DPH6: variants seen among roughly 807,000 people sequenced by gnomAD.
DPH6 encodes the protein diphthamine biosynthesis 6.
A neutral mutation model predicts 38.2 loss-of-function variants in DPH6; 33 were observed. That is an observed-to-expected ratio of 0.86 (90% CI 0.65 to 1.15). The LOEUF (loss-of-function observed/expected upper bound fraction) is 1.15, where lower values mean the gene tolerates loss of function less well. Ranked by LOEUF, DPH6 falls within the 50% of genes most tolerant of loss-of-function variation. DPH6 has a pLI of 0.00. For synonymous variants in DPH6, 108 were observed against 103.0 expected, an observed-to-expected ratio of 1.05 and a Z score of -0.30; for missense variants, 325 against 320.0, an observed-to-expected ratio of 1.02 and a Z score of -0.12.
intron 3 of DPH6, among the ~76,000 whole-genome samples, chr15:35,317,022 C>CTGAG (rs1208434331): frequency 1.3e-5 from 2 of 152,176 alleles, no homozygotes; most frequent in African/African-American, 4.8e-5. Context: ...GTTTGTAAGG[C>CTGAG]TGAGGCAGGC....
Position 35,318,776 on chromosome 15 carries a change from AT to A in DPH6, n.200+54744del, listed in dbSNP as rs201569994. 4.2e-3 allele frequency among the ~76,000 whole-genome samples: 644 copies of A among 152,264 alleles called. 5 individuals are homozygous for A. Among genetic ancestry groups the A allele is most frequent in the African/African-American group, 0.014 (601 of 41,580 alleles). ...TTCACAGTTAAAAACTGTAAAATAA[AT>A]TTTTTATTTATTTTAAAAAATGTGT... On this transcript the variant is annotated intron_variant and non_coding_transcript_variant, in intron 3 of 3. Coordinates refer to the DPH6 transcript ENST00000560386.
intron 3 of DPH6, among the ~76,000 whole-genome samples, chr15:35,230,242 C>A (rs987501902): frequency 6.6e-6 from 1 of 152,162 alleles, no homozygotes; most frequent in African/African-American, 2.4e-5. Flanking sequence ...CAAGACACAA[C>A]CCTTTCCACT....
At chr15:35,200,563 A>G in the DPH6 span, among the ~76,000 whole-genome samples, 1 of 152,006 alleles carries the variant, frequency 6.6e-6, no homozygotes, top group South Asian at 2.1e-4. Context: ...CATGCCTACT[A>G]TGTGTTAGGC....
At chr15:35,456,374 A>G (rs1192452508) in intron 3 of DPH6, among the ~76,000 whole-genome samples, 1 of 151,228 alleles carries the variant, frequency 6.6e-6, no homozygotes, top group African/African-American at 2.4e-5. Flanking sequence ...TTATAGATGT[A>G]TAGGAGTGTG....
At chr15:35,387,483 A>G (rs1423517041) in intron 6 of DPH6, among the ~76,000 whole-genome samples, 2 of 152,108 alleles carry the variant, frequency 1.3e-5, no homozygotes, top group African/African-American at 2.4e-5. Flanking sequence ...AGCATGGAAT[A>G]TTCTTCCATT....
At chr15:35,526,539 G>T (rs1227364923) in intron 3 of DPH6, among the ~76,000 whole-genome samples, 1 of 152,106 alleles carries the variant, frequency 6.6e-6, no homozygotes, top group Non-Finnish European at 1.5e-5. Context: ...TTCTGCTGGT[G>T]TTGAGAGTTA....
At chr15:35,496,567 A>AAAAAAAAAT in intron 3 of DPH6, among the ~76,000 whole-genome samples, 2 of 31,014 alleles carry the variant, frequency 6.4e-5, no homozygotes. Context: ...AAAAAAAAAA[A>AAAAAAAAAT]ATATATATAT....
At chr15:35,230,446 G>A (rs891671555) in intron 3 of DPH6, among the ~76,000 whole-genome samples, 31 of 152,144 alleles carry the variant, frequency 2.0e-4, no homozygotes, top group African/African-American at 7.5e-4. Flanking sequence ...CCCAGGGCAG[G>A]TCCAAAAATG....
intron 3 of DPH6, among the ~76,000 whole-genome samples, chr15:35,334,651 C>G (rs2052353899): frequency 6.6e-6 from 1 of 151,994 alleles, no homozygotes; most frequent in South Asian, 2.1e-4. Flanking sequence ...TAAGAACATG[C>G]AGTGTTTGGT....
intron 5 of DPH6, among the ~76,000 whole-genome samples, chr15:35,441,724 G>T (rs542236845): frequency 4.8e-4 from 73 of 152,178 alleles, no homozygotes; most frequent in African/African-American, 1.7e-3. Context: ...ATGGGTTGAT[G>T]GGTGCAGCAA....
chr15:35,382,854 GA>G (rs200446494), intron 6 of DPH6, among the ~76,000 whole-genome samples: 4 of 145,730 alleles, frequency 2.7e-5, no homozygotes, highest in African/African-American at 7.5e-5. Flanking sequence ...TTAAAAAAAA[GA>G]AAAAAAAAAC....
At chr15:35,490,136 G>T (rs1267677115) in intron 3 of DPH6, 17 of 985,176 alleles carry the variant, frequency 1.7e-5, no homozygotes, top group Non-Finnish European at 2.0e-5. Flanking sequence ...CAATCATTGG[G>T]TTAATTTGTA....
chr15:35,536,497 A>C (rs546783166), intron 3 of DPH6, among the ~76,000 whole-genome samples: 1 of 152,186 alleles, frequency 6.6e-6, no homozygotes, highest in Admixed American at 6.5e-5. Context: ...ATAATGGCAA[A>C]GCATCCATTT....
intron 3 of DPH6, among the ~76,000 whole-genome samples, chr15:35,311,720 G>C (rs148291224): frequency 6.6e-6 from 1 of 152,230 alleles, no homozygotes; most frequent in Non-Finnish European, 1.5e-5. Flanking sequence ...ATGAGTATAA[G>C]TTACAAAGAG....
At chr15:35,360,163 G>A (rs116588515) in intron 3 of DPH6, among the ~76,000 whole-genome samples, 2,258 of 152,208 alleles carry the variant, frequency 0.015, 57 homozygotes, top group African/African-American at 0.051. Context: ...ATTTTTGCAG[G>A]TAAAAAACTT....
chr15:35,193,818 C>T, the DPH6 span, among the ~76,000 whole-genome samples: 3 of 152,042 alleles, frequency 2.0e-5, no homozygotes, highest in African/African-American at 7.2e-5. Context: ...GAGACAATGA[C>T]AACCATTTGT....
intron 3 of DPH6, among the ~76,000 whole-genome samples, chr15:35,273,036 G>A (rs2051833396): frequency 6.6e-6 from 1 of 152,010 alleles, no homozygotes; most frequent in East Asian, 1.9e-4. Flanking sequence ...ACTATCACAA[G>A]CTGAGCAGAT....
the DPH6 span, among the ~76,000 whole-genome samples, chr15:35,145,567 C>T: frequency 0.034 from 5,163 of 152,270 alleles, 244 homozygotes; most frequent in African/African-American, 0.11. Flanking sequence ...AATACACTTG[C>T]GCAGAAAACA....
intron 3 of DPH6, among the ~76,000 whole-genome samples, chr15:35,283,913 C>A (rs2051920261): frequency 6.6e-6 from 1 of 152,164 alleles, no homozygotes; most frequent in Admixed American, 6.5e-5. Flanking sequence ...AAAAATTACA[C>A]TAGTGATTCT....
Sources: gnomAD v4.1 joint callset for allele counts (sites outside exome capture counted in the v4.1 genomes callset) on GRCh38, gnomAD v4.1.1 for gene constraint, MANE v1.5 for transcripts, NCBI Gene and HGNC (gene_info 2026-07-23, HGNC 2026-07-21) for gene names.